Variants in XPO1 observed in about 807,000 individuals in gnomAD.
The protein encoded by XPO1 is exportin-1.
A neutral mutation model predicts 133.3 loss-of-function variants in XPO1; 5 were observed. The observed-to-expected ratio is 0.04, with a 90% CI of 0.02 to 0.08. The LOEUF is 0.08. Among genes scored for constraint, XPO1 ranks in the 10% least tolerant of loss-of-function variants. The pLI, the probability that XPO1 is intolerant of heterozygous loss-of-function variation, is 1.00. For missense variants in XPO1, 506 were observed against 1,267.5 expected (o/e 0.40, Z 9.12); for synonymous variants, 419 against 408.2 (o/e 1.03, Z -0.32).
At chr2:61,496,280 T>C (rs776036270) in intron 10 of XPO1, among the ~76,000 whole-genome samples, 10 of 152,198 alleles carry the variant, frequency 6.6e-5, no homozygotes, top group Admixed American at 5.2e-4. Flanking sequence ...AGTGTGACCA[T>C]AGCTCATTTT....
chr2:61,482,427 C>A lies in XPO1; in HGVS notation c.2925G>T (p.Gln975His). 6.2e-7 allele frequency: 1 copy of A among 1,612,938 alleles called. No homozygotes were observed. Among genetic ancestry groups the A allele is most frequent in the South Asian group, 1.1e-5 (1 of 90,704 alleles). ...ACTTAAGGAGATTAGCCACATATTC[C>A]TGAAGAAAGATTTGGTTGTTAACTG... ...GNPVNNQIFLQEYVANLLKSA... is the reference protein window; with the variant it reads ...GNPVNNQIFLHEYVANLLKSA... The change falls in exon 23 of 25, where the codon CAG (glutamine) becomes CAT (histidine). Residue 975 changes from glutamine to histidine, a missense_variant. Gln to His is a conservative substitution (Grantham distance 24). This residue lies in a region of XPO1 where 203 missense variants were observed against 365.9 expected (regional missense o/e 0.55). Coordinates refer to ENST00000401558, the MANE Select transcript of XPO1 (RefSeq NM_003400.4).
At chr2:61,483,160 T>TA in intron 21 of XPO1, 69 bp from the exon 22 acceptor site, 2 of 1,506,282 alleles carry the variant, frequency 1.3e-6, no homozygotes, top group Non-Finnish European at 1.8e-6. Context: ...ATTTAGCTCT[T>TA]ATCAAAGTAT....
chr2:61,480,018 C>T (rs1036660029), intron 24 of XPO1, among the ~76,000 whole-genome samples: 66 of 152,184 alleles, frequency 4.3e-4, no homozygotes, highest in African/African-American at 1.5e-3. Flanking sequence ...GCACCTGCCA[C>T]CAGACCTGGC....
intron 6 of XPO1, among the ~76,000 whole-genome samples, chr2:61,501,499 A>G (rs1163589170): frequency 6.6e-6 from 1 of 152,120 alleles, no homozygotes; most frequent in African/African-American, 2.4e-5. Context: ...AGGTGGGTGG[A>G]TCACCTGAGG....
rs988401253 is a variant in XPO1 at position 61,518,020 on chromosome 2, C to T, written c.301+4591G>A. Among the ~76,000 whole-genome samples, 3 of 152,016 alleles carry T rather than the reference C, an allele frequency of 2.0e-5. No homozygotes were observed. The South Asian group carries it at 6.2e-4, about 31-fold the overall frequency. ...TGGTGTGCATCTGTAATCCCAGCTACTTGGGAGACTGACACATGAGAATCA... is the reference window on the plus strand; with the variant it reads ...TGGTGTGCATCTGTAATCCCAGCTATTTGGGAGACTGACACATGAGAATCA... On this transcript the variant is annotated intron_variant, in intron 4 of 24. Transcript: ENST00000401558.
intron 4 of XPO1, among the ~76,000 whole-genome samples, chr2:61,510,458 GAGTTA>G (rs1698034420): frequency 6.6e-6 from 1 of 152,152 alleles, no homozygotes; most frequent in East Asian, 1.9e-4. Flanking sequence ...TCTAAAGCAG[GAGTTA>G]AGTTAGGGTT....
At chr2:61,482,586 T>G in intron 22 of XPO1, 47 bp from the exon 23 acceptor site, 1 of 1,455,012 alleles carries the variant, frequency 6.9e-7, no homozygotes, top group Non-Finnish European at 9.2e-7. Context: ...AATATAACTA[T>G]AGATCTTAGC....
rs759488289 is a variant in XPO1 at position 61,488,776 on chromosome 2, G to A, written c.2023-5C>T. ...ATCTTTCAGTATATCCACATTCTTG[G>A]AGGAAAAAAAGCAAATTCCATTTAT... On this transcript the variant is annotated splice_polypyrimidine_tract_variant and splice_region_variant and intron_variant, in intron 17 of 24. Transcript: ENST00000401558. 1.2e-6 allele frequency: 2 copies of A among 1,609,698 alleles called. No homozygotes were observed. Among genetic ancestry groups the A allele is most frequent in the African/African-American group, 2.7e-5 (2 of 74,518 alleles).
intron 10 of XPO1, among the ~76,000 whole-genome samples, chr2:61,496,430 G>A (rs773754500): frequency 6.6e-6 from 1 of 151,994 alleles, no homozygotes; most frequent in Non-Finnish European, 1.5e-5. Flanking sequence ...GGCTGGTCTC[G>A]AACTCCTGGC....
chr2:61,481,157 A>G, intron 24 of XPO1, 28 bp downstream of exon 24: 1 of 1,522,196 alleles, frequency 6.6e-7, no homozygotes. Context: ...TACCCCTAAT[A>G]TTTCTGCAAG....
rs35045881 is a variant in XPO1 at position 61,489,413 on chromosome 2, C to CAA, written c.2023-644_2023-643dup. Among the ~76,000 whole-genome samples, 450 of 140,544 alleles carry CAA rather than the reference C, an allele frequency of 3.2e-3. 4 individuals are homozygous for CAA. Among genetic ancestry groups the CAA allele is most frequent in the South Asian group, 0.019 (83 of 4,380 alleles). The allele number at this position is 140,544 out of a possible 152,430, so 92.2% of individuals were successfully genotyped here. On this transcript the variant is annotated intron_variant, in intron 17 of 24. Coordinates refer to ENST00000401558, the MANE Select transcript of XPO1 (RefSeq NM_003400.4). Reference sequence around the variant, plus strand: ...GGGCACCAAGAGTGAAACTCCATCTCAAAAAAAAAAAAAATCCACATAATT... The same window carrying CAA: ...GGGCACCAAGAGTGAAACTCCATCTCAAAAAAAAAAAAAAAATCCACATAATT...
chr2:61,513,500 T>A (rs1698199905), intron 4 of XPO1, among the ~76,000 whole-genome samples: 1 of 151,776 alleles, frequency 6.6e-6, no homozygotes, highest in South Asian at 2.1e-4. Context: ...AATTTTTGTA[T>A]CTTTAGTAGA....
intron 11 of XPO1, chr2:61,494,421 A>G (rs998499977): frequency 1.9e-5 from 4 of 214,938 alleles, no homozygotes; most frequent in Non-Finnish European, 2.8e-5. Flanking sequence ...AGAACAAACA[A>G]AATACTGAAT....
At chr2:61,532,735 A>C (rs1408940186) in intron 2 of XPO1, among the ~76,000 whole-genome samples, 1 of 151,450 alleles carries the variant, frequency 6.6e-6, no homozygotes, top group African/African-American at 2.4e-5. Flanking sequence ...CGGGAGGCTA[A>C]GGCAGGTGAA....
At chr2:61,496,367 A>G (rs1032337269) in intron 10 of XPO1, among the ~76,000 whole-genome samples, 5 of 152,106 alleles carry the variant, frequency 3.3e-5, no homozygotes, top group African/African-American at 1.2e-4. Flanking sequence ...GTGCAACACC[A>G]CAGCTAGCTA....
chr2:61,526,783 C>G (rs1698922509), intron 2 of XPO1, among the ~76,000 whole-genome samples: 1 of 151,194 alleles, frequency 6.6e-6, no homozygotes, highest in South Asian at 2.1e-4. Flanking sequence ...TCTCAGCACC[C>G]TGCAACCTCT....
chr2:61,487,532 A>T (rs1174179015), intron 19 of XPO1, among the ~76,000 whole-genome samples: 4 of 144,758 alleles, frequency 2.8e-5, no homozygotes, highest in East Asian at 2.0e-4. Flanking sequence ...GCACACTTGT[A>T]AAAAAAAAAA....
At chr2:61,530,491 C>A (rs1276055338) in intron 2 of XPO1, among the ~76,000 whole-genome samples, 1 of 152,118 alleles carries the variant, frequency 6.6e-6, no homozygotes, top group Non-Finnish European at 1.5e-5. Flanking sequence ...CAATAGAGTT[C>A]AAGATCTTTA....
chr2:61,523,310 G>GC (rs1321038248), intron 3 of XPO1, among the ~76,000 whole-genome samples: 1 of 152,084 alleles, frequency 6.6e-6, no homozygotes, highest in East Asian at 1.9e-4. Context: ...AATCACAAAC[G>GC]CATGTTGCAA....
Sources: allele counts gnomAD v4.1 joint callset (sites outside exome capture counted in the v4.1 genomes callset), GRCh38; gene constraint gnomAD v4.1.1; regional missense constraint gnomAD v4.1.1; transcripts MANE v1.5; gene names NCBI Gene and HGNC (gene_info 2026-07-23, HGNC 2026-07-21).